Variants in NTNG1 observed in about 807,000 individuals in gnomAD.
The protein encoded by NTNG1 is netrin G1.
Under a neutral mutation model 54.0 loss-of-function variants are expected in NTNG1, and 16 were observed. The ratio of observed to expected loss-of-function variants is 0.30; its 90% CI spans 0.20 to 0.45. The LOEUF is 0.45. NTNG1 is among the 20% of genes least tolerant of loss of function. The pLI is 1.00. For synonymous variants in NTNG1, 255 were observed against 263.1 expected, an observed-to-expected ratio of 0.97 and a Z score of 0.30; for missense variants, 530 against 678.7, an observed-to-expected ratio of 0.78 and a Z score of 2.43.
chr1:107,146,070 G>T (rs940787092), intron 1 of NTNG1, among the ~76,000 whole-genome samples: 13 of 151,974 alleles, frequency 8.6e-5, no homozygotes, highest in African/African-American at 3.1e-4. Context: ...GGTTAAAAAA[G>T]AAAGTGAAGA....
At chr1:107,441,621 A>T (rs1675972278) in intron 7 of NTNG1, among the ~76,000 whole-genome samples, 1 of 152,112 alleles carries the variant, frequency 6.6e-6, no homozygotes. Context: ...ATCTAGGATA[A>T]TCTCTCCTTT....
chr1:107,326,789 G>A (rs1190679565), intron 3 of NTNG1, among the ~76,000 whole-genome samples: 1 of 151,954 alleles, frequency 6.6e-6, no homozygotes, highest in Non-Finnish European at 1.5e-5. Flanking sequence ...TTTTGGTTGG[G>A]AAAAACCTAT....
chr1:107,266,843 C>T (rs1663776851), intron 2 of NTNG1, among the ~76,000 whole-genome samples: 1 of 151,982 alleles, frequency 6.6e-6, no homozygotes, highest in African/African-American at 2.4e-5. Context: ...TTGGGTCTCT[C>T]TCCACTCCCT....
At position 107,361,244 on chromosome 1, in the gene NTNG1, A is replaced by G. The variant is rs1670255707; in HGVS notation, c.888-33910A>G. On this transcript the variant is annotated intron_variant, in intron 3 of 7. Transcript: ENST00000370068. ...TATATATAAAATAAACATATAAATT[A>G]TTATATAAAATATATGTTATGTAAG... Among the ~76,000 whole-genome samples, 3 of 139,170 alleles carry G rather than the reference A, an allele frequency of 2.2e-5. No individual in the cohort carries two copies. The Admixed American group carries it at 2.3e-4, about 11-fold the overall frequency. 91.3% of individuals were successfully genotyped at this position (139,170 alleles called of 152,430 possible).
At chr1:107,451,988 A>C (rs1012491580) in intron 7 of NTNG1, among the ~76,000 whole-genome samples, 1 of 152,132 alleles carries the variant, frequency 6.6e-6, no homozygotes, top group Admixed American at 6.6e-5. Flanking sequence ...TCTCTTATGT[A>C]GTGGTTTGAA....
At chr1:107,377,944 C>T (rs896571750) in intron 3 of NTNG1, among the ~76,000 whole-genome samples, 2 of 152,156 alleles carry the variant, frequency 1.3e-5, no homozygotes, top group African/African-American at 4.8e-5. Flanking sequence ...GAAAAGTTCA[C>T]CAAAGTGATT....
intron 2 of NTNG1, among the ~76,000 whole-genome samples, chr1:107,150,831 T>C (rs1654514825): frequency 6.6e-6 from 1 of 152,204 alleles, no homozygotes; most frequent in Non-Finnish European, 1.5e-5. Context: ...CAAAGGGACA[T>C]GGTCTAAGGT....
At chr1:107,356,290 AATTT>A (rs1445907999) in intron 3 of NTNG1, among the ~76,000 whole-genome samples, 1 of 152,154 alleles carries the variant, frequency 6.6e-6, no homozygotes, top group Non-Finnish European at 1.5e-5. Context: ...TGAATGAATA[AATTT>A]ATTTATTTGT....
At chr1:107,238,880 C>T (rs1489642079) in intron 2 of NTNG1, among the ~76,000 whole-genome samples, 1 of 151,114 alleles carries the variant, frequency 6.6e-6, no homozygotes, top group African/African-American at 2.4e-5. Flanking sequence ...TTTCCATATT[C>T]CTGGCATTGT....
At chr1:107,477,804 T>G (rs2101608608) in intron 7 of NTNG1, among the ~76,000 whole-genome samples, 1 of 152,302 alleles carries the variant, frequency 6.6e-6, no homozygotes, top group South Asian at 2.1e-4. Flanking sequence ...GGTACTCCTT[T>G]AGGACAGTTA....
At chr1:107,475,813 T>C (rs1678284165) in intron 7 of NTNG1, among the ~76,000 whole-genome samples, 1 of 152,118 alleles carries the variant, frequency 6.6e-6, no homozygotes, top group Admixed American at 6.5e-5. Context: ...GTTAGCAACA[T>C]TCCTGGCCTC....
intron 2 of NTNG1, among the ~76,000 whole-genome samples, chr1:107,221,634 A>T (rs1354239005): frequency 6.6e-6 from 1 of 152,228 alleles, no homozygotes; most frequent in Non-Finnish European, 1.5e-5. Context: ...AACATAGGGT[A>T]CATGAGAGCT....
Position 107,395,430 on chromosome 1 carries a change from C to G in NTNG1, c.1060+104C>G, listed in dbSNP as rs185767343. 18 of 1,085,194 alleles carry G rather than the reference C, an allele frequency of 1.7e-5. No homozygotes were observed. In the East Asian group the frequency reaches 4.2e-4, roughly 26 times the overall value. 67.2% of individuals were successfully genotyped at this position (1,085,194 alleles called of 1,614,324 possible). ...ATTTTATTCCTCTTACCAGTTGTCT[C>G]ATTCTTCTTTAAAGTGCAGCGAAAG... On this transcript the variant is annotated intron_variant, in intron 4 of 7. Transcript: ENST00000370068.
chr1:107,258,082 C>T (rs1434006546), intron 2 of NTNG1, among the ~76,000 whole-genome samples: 5 of 152,128 alleles, frequency 3.3e-5, no homozygotes, highest in African/African-American at 1.2e-4. Flanking sequence ...GGGTTAATCA[C>T]TAAACCTACA....
At chr1:107,256,398 A>G (rs1377293423) in intron 2 of NTNG1, among the ~76,000 whole-genome samples, 1 of 152,118 alleles carries the variant, frequency 6.6e-6, no homozygotes, top group Non-Finnish European at 1.5e-5. Context: ...GCACTATTGA[A>G]CACTTACACA....
chr1:107,374,589 A>G (rs1405151148), intron 3 of NTNG1, among the ~76,000 whole-genome samples: 1 of 152,052 alleles, frequency 6.6e-6, no homozygotes, highest in Non-Finnish European at 1.5e-5. Flanking sequence ...ATATATCTAT[A>G]TATTCTATTA....
intron 3 of NTNG1, among the ~76,000 whole-genome samples, chr1:107,376,272 G>A (rs1347334391): frequency 3.9e-5 from 6 of 152,104 alleles, no homozygotes; most frequent in Non-Finnish European, 7.4e-5. Context: ...GCTGGGCGCG[G>A]TGGCGGGCGC....
At chr1:107,477,727 ATT>A (rs5776888) in intron 7 of NTNG1, among the ~76,000 whole-genome samples, 20 of 151,788 alleles carry the variant, frequency 1.3e-4, no homozygotes, top group African/African-American at 2.9e-4. Flanking sequence ...TTTTTTGTAG[ATT>A]TTTTTTATAC....
chr1:107,321,490 CT>C (rs926802434), intron 2 of NTNG1, among the ~76,000 whole-genome samples: 2 of 151,912 alleles, frequency 1.3e-5, no homozygotes, highest in Non-Finnish European at 2.9e-5. Flanking sequence ...CATTAAAGAA[CT>C]AAAACTGGGT....
Sources: gnomAD v4.1 joint callset for allele counts (sites outside exome capture counted in the v4.1 genomes callset) on GRCh38, gnomAD v4.1.1 for gene constraint, MANE v1.5 for transcripts, NCBI Gene and HGNC (gene_info 2026-07-23, HGNC 2026-07-21) for gene names.